The following MAD1L1 variants were observed in gnomAD, a reference collection of about 807,000 sequenced individuals.
The protein encoded by MAD1L1 is mitotic spindle assembly checkpoint protein MAD1.
A neutral mutation model predicts 96.9 loss-of-function variants in MAD1L1; 95 were observed. The observed-to-expected ratio is 0.98, with a 90% CI of 0.83 to 1.16. The LOEUF (loss-of-function observed/expected upper bound fraction) is 1.16, where lower values mean the gene tolerates loss of function less well. Ranked by LOEUF, MAD1L1 falls within the 50% of genes most tolerant of loss-of-function variation. The pLI, the probability that MAD1L1 is intolerant of heterozygous loss-of-function variation, is 0.00. For missense variants in MAD1L1, 1,007 were observed against 954.4 expected, an observed-to-expected ratio of 1.06 and a Z score of -0.73; for synonymous variants, 473 against 396.6, an observed-to-expected ratio of 1.19 and a Z score of -2.29.
intron 18 of MAD1L1, among the ~76,000 whole-genome samples, chr7:1,871,312 TACGCCTGCCACGCTGAACCCACCGTA>T: frequency 7.2e-6 from 1 of 138,582 alleles, no homozygotes; most frequent in African/African-American, 2.8e-5. Flanking sequence ...GAACCCAACA[TACGCCTGCCACGCTGAACCCACCGTA>T]ACACCTGCCA....
In MAD1L1 at chr7:2,216,062, G is replaced by A. The variant is rs561982573; in HGVS notation, c.810-63C>T. The A allele has an allele frequency of 5.1e-5, 82 of 1,610,002 alleles. 1 individual carries two copies. The highest frequency in any genetic ancestry group is 1.7e-4 in the Admixed American group (10 of 59,904). ...ACCCTAGGGATAAGGCCAAGAGCCC[G>A]GGAGCCCTGCCCCTACAGGGTCTGC... On this transcript the variant is annotated intron_variant, in intron 8 of 18. Coordinates refer to ENST00000265854, the MANE Select transcript of MAD1L1 (RefSeq NM_001013836.2).
chr7:2,167,883 T>G (rs1362785135), intron 10 of MAD1L1, among the ~76,000 whole-genome samples: 1 of 151,690 alleles, frequency 6.6e-6, no homozygotes, highest in African/African-American at 2.4e-5. Flanking sequence ...AACAAAAATT[T>G]TTTAAGAAGC....
chr7:2,209,611 C>T (rs765647000), intron 10 of MAD1L1, among the ~76,000 whole-genome samples: 2 of 152,222 alleles, frequency 1.3e-5, no homozygotes, highest in African/African-American at 2.4e-5. Context: ...GCCAGAGAGA[C>T]CCAAGGGAAG....
chr7:2,147,390 C>T (rs911371818), intron 11 of MAD1L1, among the ~76,000 whole-genome samples: 1 of 152,242 alleles, frequency 6.6e-6, no homozygotes, highest in Non-Finnish European at 1.5e-5. Flanking sequence ...GAGCCTGCAC[C>T]TTGGCTAAAG....
At chr7:2,231,242 G>A (rs1377648637) in intron 1 of MAD1L1, among the ~76,000 whole-genome samples, 2 of 152,098 alleles carry the variant, frequency 1.3e-5, no homozygotes, top group East Asian at 1.9e-4. Flanking sequence ...AGGTTGCAGT[G>A]ACCTGAGACC....
chr7:2,145,346 G>A (rs1789244822), intron 11 of MAD1L1, among the ~76,000 whole-genome samples: 1 of 152,248 alleles, frequency 6.6e-6, no homozygotes, highest in African/African-American at 2.4e-5. Flanking sequence ...GTCCTACACT[G>A]AGAGTTCCAG....
intron 13 of MAD1L1, among the ~76,000 whole-genome samples, chr7:2,012,925 T>C (rs912607577): frequency 5.3e-5 from 8 of 152,216 alleles, no homozygotes; most frequent in African/African-American, 1.7e-4. Flanking sequence ...TTTCTAGATG[T>C]AGTTTGGCGA....
intron 17 of MAD1L1, among the ~76,000 whole-genome samples, chr7:1,921,157 G>A (rs543781588): frequency 6.6e-6 from 1 of 152,342 alleles, no homozygotes; most frequent in African/African-American, 2.4e-5. Flanking sequence ...GCGGGTCTGA[G>A]ACGTGGTATC....
chr7:2,190,807 G>A (rs901220525), intron 10 of MAD1L1, among the ~76,000 whole-genome samples: 1 of 152,170 alleles, frequency 6.6e-6, no homozygotes, highest in African/African-American at 2.4e-5. Context: ...GAATGCATTC[G>A]GGATGCGGGG....
chr7:2,045,156 C>A (rs1293771664), intron 12 of MAD1L1, among the ~76,000 whole-genome samples: 1 of 151,962 alleles, frequency 6.6e-6, no homozygotes, highest in Non-Finnish European at 1.5e-5. Flanking sequence ...CGGCCTCCCA[C>A]CCGGCCTCCA....
intron 18 of MAD1L1, among the ~76,000 whole-genome samples, chr7:1,889,596 C>T (rs544751446): frequency 1.4e-4 from 21 of 152,342 alleles, no homozygotes; most frequent in Admixed American, 2.6e-4. Context: ...TTCCCTGCAA[C>T]GCAGAGAGAT....
At chr7:2,003,060 G>T (rs191659750) in intron 13 of MAD1L1, among the ~76,000 whole-genome samples, 3 of 152,276 alleles carry the variant, frequency 2.0e-5, no homozygotes, top group African/African-American at 7.2e-5. Context: ...CAGCACACAG[G>T]AAAGTCCGGG....
At chr7:1,970,331 CTTT>C (rs34240381) in intron 15 of MAD1L1, among the ~76,000 whole-genome samples, 33 of 116,510 alleles carry the variant, frequency 2.8e-4, no homozygotes, top group African/African-American at 8.0e-4. Flanking sequence ...TTAATTTTTA[CTTT>C]TTTTTTTTTT....
In MAD1L1 at chr7:1,853,566, G is replaced by A. The variant is rs568534548; in HGVS notation, c.1999-37338C>T. ...CCTTGCCACTGCCATGCCTGACCCCGCTCCAGCCCCCACCCTGCCTGCCTG... is the reference window on the plus strand; with the variant it reads ...CCTTGCCACTGCCATGCCTGACCCCACTCCAGCCCCCACCCTGCCTGCCTG... On this transcript the variant is annotated intron_variant, in intron 18 of 18. Transcript: ENST00000265854. Among the ~76,000 whole-genome samples the A allele has an allele frequency of 1.4e-4, 21 of 152,180 alleles. No individual in the cohort carries two copies. In the South Asian group the frequency reaches 3.1e-3, roughly 23 times the overall value.
intron 14 of MAD1L1, among the ~76,000 whole-genome samples, chr7:1,985,759 C>T (rs1389439472): frequency 6.9e-6 from 1 of 144,560 alleles, no homozygotes. Context: ...TTCGCCTCCC[C>T]GTGCATCCGG....
At chr7:2,226,068 C>T (rs955159598) in intron 3 of MAD1L1, among the ~76,000 whole-genome samples, 3 of 152,190 alleles carry the variant, frequency 2.0e-5, no homozygotes, top group Non-Finnish European at 4.4e-5. Context: ...TCCAATCTCC[C>T]TCATCAAATC....
chr7:2,076,957 GGCACGGTGAGCCCGCA>G (rs1785405244), intron 11 of MAD1L1, among the ~76,000 whole-genome samples: 1 of 149,572 alleles, frequency 6.7e-6, no homozygotes. Flanking sequence ...GTGAGCCCGC[GGCACGGTGAGCCCGCA>G]GCATGGTGAG....
At chr7:1,942,176 G>A (rs534278559) in intron 16 of MAD1L1, among the ~76,000 whole-genome samples, 3 of 152,292 alleles carry the variant, frequency 2.0e-5, no homozygotes, top group African/African-American at 4.8e-5. Context: ...TGTGAATACA[G>A]GGGTGGAGCT....
intron 7 of MAD1L1, among the ~76,000 whole-genome samples, chr7:2,216,630 G>A (rs1486531149): frequency 6.6e-6 from 1 of 152,198 alleles, no homozygotes; most frequent in East Asian, 1.9e-4. Flanking sequence ...ACACTGATGT[G>A]TCCAGGCAGG....
Sources: allele counts gnomAD v4.1 joint callset (sites outside exome capture counted in the v4.1 genomes callset), GRCh38; gene constraint gnomAD v4.1.1; transcripts MANE v1.5; gene names NCBI Gene and HGNC (gene_info 2026-07-23, HGNC 2026-07-21).